Variants in CCSER1 observed in about 807,000 individuals in gnomAD.
CCSER1 encodes coiled-coil serine rich protein 1, also known as serine-rich coiled-coil domain-containing protein 1.
A neutral mutation model predicts 82.0 loss-of-function variants in CCSER1; 41 were observed. That is an observed-to-expected ratio of 0.50 (90% CI 0.39 to 0.65). The LOEUF (loss-of-function observed/expected upper bound fraction) is 0.65. Among genes scored for constraint, CCSER1 ranks in the 30% least tolerant of loss-of-function variants. The pLI, the probability that CCSER1 is intolerant of heterozygous loss-of-function variation, is 0.00. For missense variants in CCSER1, 1,119 were observed against 1,064.2 expected (o/e 1.05, Z -0.72); for synonymous variants, 414 against 383.9 (o/e 1.08, Z -0.92).
chr4:90,396,521 A>G (rs1316797993), intron 3 of CCSER1, among the ~76,000 whole-genome samples: 1 of 152,158 alleles, frequency 6.6e-6, no homozygotes, highest in East Asian at 1.9e-4. Context: ...ACAATTTTCT[A>G]CTCAATTTGT....
chr4:90,163,261 G>A (rs1188504637), intron 1 of CCSER1, among the ~76,000 whole-genome samples: 1 of 151,986 alleles, frequency 6.6e-6, no homozygotes, highest in Non-Finnish European at 1.5e-5. Context: ...AATGTAATAA[G>A]TGGGGATAAT....
chr4:90,932,385 A>T (rs947788220), intron 9 of CCSER1, among the ~76,000 whole-genome samples: 2 of 152,182 alleles, frequency 1.3e-5, no homozygotes, highest in Non-Finnish European at 2.9e-5. Flanking sequence ...TCTAATATAG[A>T]GTAACTTTCT....
rs1009899664 is a variant in CCSER1 at position 90,815,751 on chromosome 4, T to C, written c.2011-11T>C. On this transcript the variant is annotated splice_polypyrimidine_tract_variant and intron_variant, in intron 7 of 10. Coordinates refer to ENST00000509176, the MANE Select transcript of CCSER1 (RefSeq NM_001145065.2). The stretch of plus-strand genomic sequence containing the variant: ...TAAGCCTATTATGCTGTCTCTTTGA[T>C]GTTTTTATAGGATATAATGAAAGAT... The C allele has an allele frequency of 4.5e-6, 7 of 1,545,330 alleles. No individual in the cohort carries two copies. Among genetic ancestry groups the C allele is most frequent in the African/African-American group, 2.7e-5 (2 of 72,946 alleles).
At chr4:90,420,101 A>C (rs1036418987) in intron 4 of CCSER1, among the ~76,000 whole-genome samples, 1 of 152,008 alleles carries the variant, frequency 6.6e-6, no homozygotes, top group Admixed American at 6.6e-5. Flanking sequence ...ACACAAGACT[A>C]TATAATTATC....
In CCSER1 at chr4:90,174,821, A is replaced by T. The variant is rs114425881; in HGVS notation, c.-42+46990A>T. Among the ~76,000 whole-genome samples, 167 of 152,088 alleles carry T rather than the reference A, an allele frequency of 1.1e-3. 1 individual carries two copies. Among genetic ancestry groups the T allele is most frequent in the African/African-American group, 3.9e-3 (160 of 41,542 alleles). Reference sequence around the variant, plus strand: ...ACCTATTCCCACAAGTGGCAAACCTATTAGAGAAGTTACAATTAAAAAGAT... The same window carrying T: ...ACCTATTCCCACAAGTGGCAAACCTTTTAGAGAAGTTACAATTAAAAAGAT... On this transcript the variant is annotated intron_variant, in intron 1 of 10. Coordinates refer to ENST00000509176, the MANE Select transcript of CCSER1 (RefSeq NM_001145065.2).
chr4:90,532,851 T>C (rs1774747255), intron 5 of CCSER1, among the ~76,000 whole-genome samples: 1 of 152,168 alleles, frequency 6.6e-6, no homozygotes, highest in Non-Finnish European at 1.5e-5. Context: ...CCTCCTCTAC[T>C]TCTCCCAAGT....
At chr4:90,628,380 T>A (rs1723722811) in intron 6 of CCSER1, 148 bp downstream of exon 6, 1 of 626,484 alleles carries the variant, frequency 1.6e-6, no homozygotes. Flanking sequence ...TTTTCATATG[T>A]CAAATGAGTG....
rs564894053 is a variant in CCSER1, at chr4:90,859,736, A to T, written c.2094+43891A>T. Among the ~76,000 whole-genome samples the T allele has an allele frequency of 2.0e-5, 3 of 151,696 alleles. No homozygotes were observed. The South Asian group carries it at 6.2e-4, about 31-fold the overall frequency. ...AATAAAGTTAAGTGTACCAAAGCAG[A>T]TGCTGCTACTAAACACATGTTTCTT... On this transcript the variant is annotated intron_variant, in intron 8 of 10. Transcript: ENST00000509176.
chr4:90,136,090 A>G lies in CCSER1; in HGVS notation c.-42+8259A>G, dbSNP rs187614019. Among the ~76,000 whole-genome samples the G allele has an allele frequency of 2.1e-4, 32 of 152,292 alleles. No homozygotes were observed. The East Asian group carries it at 6.2e-3, about 29-fold the overall frequency. On this transcript the variant is annotated intron_variant, in intron 1 of 10. Coordinates refer to ENST00000509176, the MANE Select transcript of CCSER1 (RefSeq NM_001145065.2). ...TCATAACCTTATTTGTATCTTATGT[A>G]TTTAGAATGTAGAAAAATTGACGAA...
chr4:90,862,607 G>A (rs1010717740), intron 8 of CCSER1, among the ~76,000 whole-genome samples: 7 of 151,896 alleles, frequency 4.6e-5, no homozygotes, highest in Admixed American at 2.0e-4. Context: ...TGTGATGGCA[G>A]CTTCACATTA....
intron 9 of CCSER1, among the ~76,000 whole-genome samples, chr4:91,039,926 T>G (rs1418502345): frequency 6.6e-6 from 1 of 152,110 alleles, no homozygotes; most frequent in Non-Finnish European, 1.5e-5. Flanking sequence ...CACCTCTGTT[T>G]GTTGTCATGT....
chr4:90,896,404 A>G (rs915062505), intron 8 of CCSER1, among the ~76,000 whole-genome samples: 2 of 151,934 alleles, frequency 1.3e-5, no homozygotes, highest in Non-Finnish European at 2.9e-5. Flanking sequence ...ACCAAGTTTC[A>G]GCTTTCTACT....
intron 9 of CCSER1, among the ~76,000 whole-genome samples, chr4:90,932,230 A>G (rs745483837): frequency 1.3e-5 from 2 of 152,178 alleles, no homozygotes; most frequent in Non-Finnish European, 2.9e-5. Flanking sequence ...TGTAATTTGC[A>G]TTTCAGAGTA....
At chr4:90,940,874 C>G (rs1306694491) in intron 9 of CCSER1, among the ~76,000 whole-genome samples, 1 of 152,012 alleles carries the variant, frequency 6.6e-6, no homozygotes, top group Non-Finnish European at 1.5e-5. Context: ...TCTCATATGC[C>G]CCAGACCAAA....
Position 90,743,225 on chromosome 4 carries a change from T to C in CCSER1, c.2010+19234T>C, listed in dbSNP as rs1162657331. Among the ~76,000 whole-genome samples, 9 of 152,344 alleles carry C rather than the reference T, an allele frequency of 5.9e-5. No homozygotes were observed. In the East Asian group the frequency reaches 1.7e-3, roughly 29 times the overall value. On this transcript the variant is annotated intron_variant, in intron 7 of 10. Coordinates refer to ENST00000509176, the MANE Select transcript of CCSER1 (RefSeq NM_001145065.2). The stretch of plus-strand genomic sequence containing the variant: ...ACAATGTGTTTTAGCAGAAACTTAC[T>C]TGTGTCCCTTTGGTTAGTGGCTGAT...
At chr4:90,463,936 A>G (rs901865172) in intron 4 of CCSER1, among the ~76,000 whole-genome samples, 7 of 152,038 alleles carry the variant, frequency 4.6e-5, no homozygotes, top group African/African-American at 1.5e-4. Flanking sequence ...GATTTTATAA[A>G]TTAAAAAAAC....
intron 10 of CCSER1, among the ~76,000 whole-genome samples, chr4:91,186,613 G>C (rs1194726490): frequency 1.3e-5 from 2 of 152,036 alleles, no homozygotes; most frequent in Admixed American, 1.3e-4. Flanking sequence ...GGAAATCAGG[G>C]GTCTCACAAC....
chr4:91,212,146 C>T (rs968739970), intron 10 of CCSER1, among the ~76,000 whole-genome samples: 1 of 151,938 alleles, frequency 6.6e-6, no homozygotes, highest in African/African-American at 2.4e-5. Context: ...GTATTCACCT[C>T]AGAGAGGTGA....
intron 10 of CCSER1, among the ~76,000 whole-genome samples, chr4:91,219,287 T>G (rs1194924782): frequency 2.0e-5 from 3 of 150,044 alleles, no homozygotes; most frequent in African/African-American, 7.4e-5. Flanking sequence ...TAAAAGTGAA[T>G]AGTCAATATT....
Sources: allele counts gnomAD v4.1 joint callset (sites outside exome capture counted in the v4.1 genomes callset), GRCh38; gene constraint gnomAD v4.1.1; transcripts MANE v1.5; gene names NCBI Gene and HGNC (gene_info 2026-07-23, HGNC 2026-07-21).